PTPN2: variants seen among roughly 807,000 people sequenced by gnomAD.
PTPN2 encodes the protein protein tyrosine phosphatase non-receptor type 2, also known as tyrosine-protein phosphatase non-receptor type 2.
In PTPN2, 19 loss-of-function variants were observed where a neutral mutation model predicts 57.3. That is an observed-to-expected ratio of 0.33 (90% confidence interval 0.23 to 0.49). The LOEUF is 0.49. PTPN2 is among the 20% of genes least tolerant of loss of function. The pLI, the probability that PTPN2 is intolerant of heterozygous loss-of-function variation, is 0.99. For synonymous variants in PTPN2, 153 were observed against 164.9 expected (o/e 0.93, Z 0.55); for missense variants, 358 against 501.1 (o/e 0.71, Z 2.73).
At chr18:12,872,814 C>G (rs142174555) in intron 1 of PTPN2, among the ~76,000 whole-genome samples, 4 of 152,198 alleles carry the variant, frequency 2.6e-5, no homozygotes, top group Non-Finnish European at 4.4e-5. Flanking sequence ...TAGTACTGTA[C>G]CGTACATAGA....
At chr18:12,868,420 A>C (rs1372457954) in intron 1 of PTPN2, among the ~76,000 whole-genome samples, 1 of 151,678 alleles carries the variant, frequency 6.6e-6, no homozygotes, top group Non-Finnish European at 1.5e-5. Context: ...ATGCCTGGCT[A>C]ATTTTTGTAT....
chr18:12,820,448 AC>A (rs1025364712), intron 5 of PTPN2, among the ~76,000 whole-genome samples: 1 of 152,024 alleles, frequency 6.6e-6, no homozygotes, highest in Non-Finnish European at 1.5e-5. Context: ...GACTGGATGG[AC>A]CCCTTTCCCT....
intron 2 of PTPN2, among the ~76,000 whole-genome samples, chr18:12,846,411 T>TTA (rs1475629951): frequency 1.3e-5 from 2 of 152,248 alleles, no homozygotes; most frequent in Non-Finnish European, 2.9e-5. Flanking sequence ...CATTTATGTA[T>TTA]TCATTTGTTT....
intron 1 of PTPN2, among the ~76,000 whole-genome samples, chr18:12,870,334 TATATATAC>T (rs1319759567): frequency 7.1e-5 from 3 of 42,050 alleles, no homozygotes; most frequent in African/African-American, 1.1e-4. Flanking sequence ...TATATATGTA[TATATATAC>T]ATATATATGT....
At chr18:12,862,485 G>GTAAC (rs745459133) in intron 1 of PTPN2, 1 of 152,252 alleles carries the variant, frequency 6.6e-6, no homozygotes, top group African/African-American at 2.4e-5. Flanking sequence ...CTTACTAAAG[G>GTAAC]TAACTGCTTT....
chr18:12,807,306 A>G (rs1196421509), intron 7 of PTPN2, among the ~76,000 whole-genome samples: 3 of 151,980 alleles, frequency 2.0e-5, no homozygotes, highest in Admixed American at 6.6e-5. Context: ...ATGTGGAGAA[A>G]GGGGAACTCT....
chr18:12,816,804 T>C (rs2042092108), intron 6 of PTPN2, among the ~76,000 whole-genome samples: 1 of 152,092 alleles, frequency 6.6e-6, no homozygotes, highest in Non-Finnish European at 1.5e-5. Flanking sequence ...GTTTTTAAAT[T>C]TAAAAAATGA....
chr18:12,848,115 A>T (rs1027800629), intron 2 of PTPN2, among the ~76,000 whole-genome samples: 5 of 152,166 alleles, frequency 3.3e-5, no homozygotes, highest in African/African-American at 1.2e-4. Context: ...TTTAACTTAA[A>T]TCTATACTTA....
chr18:12,822,238 C>A (rs900795087), intron 5 of PTPN2, among the ~76,000 whole-genome samples: 1 of 152,064 alleles, frequency 6.6e-6, no homozygotes, highest in Non-Finnish European at 1.5e-5. Flanking sequence ...AGCTAAGCAT[C>A]ATAATAATTA....
chr18:12,791,904 T>C (rs2040994172), downstream of PTPN2, among the ~76,000 whole-genome samples: 1 of 152,224 alleles, frequency 6.6e-6, no homozygotes, highest in Non-Finnish European at 1.5e-5. Context: ...GCAAGCCTAG[T>C]TTCAACTGGA....
In PTPN2 at chr18:12,884,176, C is replaced by A. The variant is rs1431198346; in HGVS notation, c.-35G>T. On this transcript the variant is annotated 5_prime_UTR_variant, in exon 1 of 9. Transcript: ENST00000309660. The stretch of plus-strand genomic sequence containing the variant: ...AGCGAGCTGGCGCGAGCAGAGCCTG[C>A]GCCGGCGGAGAGGCTCAGGCCCCGC... 1 of 1,545,014 alleles carries A rather than the reference C, an allele frequency of 6.5e-7. No homozygotes were observed. The highest frequency in any genetic ancestry group is 1.9e-5 in the Admixed American group (1 of 51,964).
intron 7 of PTPN2, among the ~76,000 whole-genome samples, chr18:12,804,887 T>C (rs905070914): frequency 6.6e-6 from 1 of 152,206 alleles, no homozygotes; most frequent in African/African-American, 2.4e-5. Context: ...AGCATTACCC[T>C]GATACCAAAA....
intron 7 of PTPN2, among the ~76,000 whole-genome samples, chr18:12,802,481 A>G (rs1022166016): frequency 6.6e-6 from 1 of 152,200 alleles, no homozygotes; most frequent in East Asian, 1.9e-4. Context: ...CAGTAATATA[A>G]TTTTAATATT....
chr18:12,848,988 G>C (rs1241185243), intron 2 of PTPN2, among the ~76,000 whole-genome samples: 1 of 152,188 alleles, frequency 6.6e-6, no homozygotes. Flanking sequence ...CTAGGACCTA[G>C]AGTATAAGGT....
At chr18:12,808,049 G>A (rs1423240658) in intron 7 of PTPN2, among the ~76,000 whole-genome samples, 1 of 152,002 alleles carries the variant, frequency 6.6e-6, no homozygotes, top group African/African-American at 2.4e-5. Flanking sequence ...CATATGTGGT[G>A]GCACGCGCCT....
chr18:12,811,525 C>T (rs117976588), intron 7 of PTPN2, among the ~76,000 whole-genome samples: 49 of 152,258 alleles, frequency 3.2e-4, no homozygotes, highest in African/African-American at 1.2e-3. Context: ...ATTAAAAAAA[C>T]CCCACAAACC....
At chr18:12,842,894 G>C (rs1268241146) in intron 2 of PTPN2, among the ~76,000 whole-genome samples, 1 of 152,180 alleles carries the variant, frequency 6.6e-6, no homozygotes, top group Non-Finnish European at 1.5e-5. Flanking sequence ...ACACCTGCTA[G>C]AATTTTGTTA....
At chr18:12,825,357 A>G (rs2145350617) in intron 5 of PTPN2, among the ~76,000 whole-genome samples, 1 of 152,234 alleles carries the variant, frequency 6.6e-6, no homozygotes, top group East Asian at 1.9e-4. Flanking sequence ...CTGGGCATTT[A>G]CTAAGGTCAG....
exon 10 of PTPN2, chr18:12,785,753 G>C: frequency 7.0e-7 from 1 of 1,420,930 alleles, no homozygotes; most frequent in Non-Finnish European, 9.9e-7. Context: ...TCCGGAGTGG[G>C]CTTCAGGTCT....
Sources: allele counts gnomAD v4.1 joint callset (sites outside exome capture counted in the v4.1 genomes callset), GRCh38; gene constraint gnomAD v4.1.1; transcripts MANE v1.5; gene names NCBI Gene and HGNC (gene_info 2026-07-23, HGNC 2026-07-21).